Variants in NTRK3 observed in about 807,000 individuals in gnomAD.
NTRK3 encodes NT-3 growth factor receptor.
In NTRK3, 24 loss-of-function variants were observed where a neutral mutation model predicts 91.7. The ratio of observed to expected loss-of-function variants is 0.26; its 90% CI spans 0.19 to 0.37. NTRK3 has a LOEUF of 0.37. Among genes scored for constraint, NTRK3 ranks in the 10% least tolerant of loss-of-function variants. The pLI is 1.00. For missense variants in NTRK3, 880 were observed against 1,068.9 expected (o/e 0.82, Z 2.46); for synonymous variants, 483 against 404.0 (o/e 1.20, Z -2.34).
chr15:88,014,499 G>A (rs991250107), intron 14 of NTRK3, among the ~76,000 whole-genome samples: 1 of 152,220 alleles, frequency 6.6e-6, no homozygotes, highest in African/African-American at 2.4e-5. Flanking sequence ...TTAAGTGAAT[G>A]AGAATTAAAG....
chr15:88,084,579 A>C (rs1277256691), intron 13 of NTRK3, among the ~76,000 whole-genome samples: 1 of 152,184 alleles, frequency 6.6e-6, no homozygotes, highest in African/African-American at 2.4e-5. Flanking sequence ...AATGGCAGTG[A>C]ACTTGGAAGG....
chr15:88,041,360 C>T (rs1391709314), intron 13 of NTRK3, among the ~76,000 whole-genome samples: 4 of 152,188 alleles, frequency 2.6e-5, no homozygotes, highest in Admixed American at 6.5e-5. Context: ...CAGAAGCCCT[C>T]TTGGGAGCTG....
chr15:88,232,173 C>T (rs1338348108), intron 3 of NTRK3, among the ~76,000 whole-genome samples: 4 of 152,124 alleles, frequency 2.6e-5, no homozygotes, highest in Admixed American at 2.6e-4. Context: ...CTGAAATGTC[C>T]TGCCTCACCT....
At chr15:87,868,671 G>A (rs2064750527) in exon 19 of NTRK3, 1 of 220,118 alleles carries the variant, frequency 4.5e-6, no homozygotes. Flanking sequence ...GCCCTATTTT[G>A]CAGAAAAGTT....
At chr15:88,193,852 T>A (rs2047605182) in intron 3 of NTRK3, among the ~76,000 whole-genome samples, 1 of 152,200 alleles carries the variant, frequency 6.6e-6, no homozygotes, top group African/African-American at 2.4e-5. Context: ...CCTCCTTGAC[T>A]CCATGTCCTC....
At chr15:88,236,235 T>C (rs1404450315) in intron 3 of NTRK3, among the ~76,000 whole-genome samples, 4 of 152,176 alleles carry the variant, frequency 2.6e-5, no homozygotes, top group African/African-American at 7.2e-5. Flanking sequence ...CCATACAATG[T>C]AATATCACTT....
chr15:88,123,236 T>C (rs1443629490), intron 13 of NTRK3, among the ~76,000 whole-genome samples: 1 of 152,174 alleles, frequency 6.6e-6, no homozygotes, highest in Non-Finnish European at 1.5e-5. Context: ...GGTAGTATTA[T>C]TACCATTCTG....
chr15:88,211,885 G>C (rs978629334), intron 3 of NTRK3, among the ~76,000 whole-genome samples: 2 of 152,238 alleles, frequency 1.3e-5, no homozygotes, highest in Non-Finnish European at 2.9e-5. Context: ...TTCTTCAAAT[G>C]AGTGGTTTTG....
At chr15:87,880,481 T>C (rs2065179698) in intron 17 of NTRK3, 53 bp from the exon 19 acceptor site, 1 of 1,585,980 alleles carries the variant, frequency 6.3e-7, no homozygotes, top group Non-Finnish European at 8.6e-7. Context: ...CCAGAATGAG[T>C]GTTATCTGTC....
intron 14 of NTRK3, among the ~76,000 whole-genome samples, chr15:87,954,016 G>A (rs12440508): frequency 8.8e-6 from 1 of 113,118 alleles, no homozygotes; most frequent in Admixed American, 8.1e-5. Flanking sequence ...CAGTGTGTGT[G>A]TGTGTGTGTG....
At chr15:87,869,461 A>G (rs2141402627) in exon 19 of NTRK3, 1 of 221,402 alleles carries the variant, frequency 4.5e-6, no homozygotes, top group South Asian at 1.8e-4. Flanking sequence ...TCTTAATATA[A>G]CAGTCAATTC....
intron 17 of NTRK3, among the ~76,000 whole-genome samples, chr15:87,915,944 G>A (rs1251152267): frequency 1.3e-5 from 2 of 152,078 alleles, no homozygotes; most frequent in African/African-American, 2.4e-5. Context: ...AATGTCAGTG[G>A]GTGCTCGGCC....
chr15:88,057,174 A>AC (rs1490786199), intron 13 of NTRK3, among the ~76,000 whole-genome samples: 2 of 149,666 alleles, frequency 1.3e-5, no homozygotes, highest in African/African-American at 4.9e-5. Context: ...GTCTCAAAAA[A>AC]AAAAAAAAAG....
intron 14 of NTRK3, among the ~76,000 whole-genome samples, chr15:88,005,084 G>A (rs2076391914): frequency 6.6e-6 from 1 of 152,142 alleles, no homozygotes; most frequent in Non-Finnish European, 1.5e-5. Context: ...TACTCCAAAG[G>A]TTTTCACCTG....
At chr15:88,005,350 T>A (rs969944332) in intron 14 of NTRK3, among the ~76,000 whole-genome samples, 1 of 152,184 alleles carries the variant, frequency 6.6e-6, no homozygotes, top group African/African-American at 2.4e-5. Flanking sequence ...GATGCCTGTG[T>A]TAAGACAAGA....
At chr15:88,252,681 T>C (rs1052698651) in intron 3 of NTRK3, 20 of 152,378 alleles carry the variant, frequency 1.3e-4, no homozygotes, top group Admixed American at 1.2e-3. Context: ...ACAGCCTGGT[T>C]GGGTGTGGCT....
chr15:88,058,400 T>C (rs2045915976), intron 13 of NTRK3, among the ~76,000 whole-genome samples: 1 of 152,126 alleles, frequency 6.6e-6, no homozygotes, highest in African/African-American at 2.4e-5. Context: ...ATGTGAAAAG[T>C]GTTTGGTATT....
chr15:87,933,103 T>C (rs1472546764), exon 16 of NTRK3: 7 of 1,613,954 alleles, frequency 4.3e-6, no homozygotes, highest in Admixed American at 1.7e-5. Flanking sequence ...AACTTGACAA[T>C]GTGCTCATGC....
intron 14 of NTRK3, among the ~76,000 whole-genome samples, chr15:87,942,476 G>A (rs532471788): frequency 6.6e-6 from 1 of 152,290 alleles, no homozygotes; most frequent in African/African-American, 2.4e-5. Flanking sequence ...TCTCTCGGGA[G>A]GCCACCTGCT....
Sources: gnomAD v4.1 joint callset for allele counts (sites outside exome capture counted in the v4.1 genomes callset) on GRCh38, gnomAD v4.1.1 for gene constraint, MANE v1.5 for transcripts, NCBI Gene and HGNC (gene_info 2026-07-23, HGNC 2026-07-21) for gene names.